THSD4: variants seen among roughly 807,000 people sequenced by gnomAD.
The protein encoded by THSD4 is thrombospondin type-1 domain-containing protein 4.
THSD4 carries 69 observed loss-of-function variants against 119.0 expected under a neutral mutation model. The ratio of observed to expected loss-of-function variants is 0.58; its 90% CI spans 0.48 to 0.71. The LOEUF is 0.71. Among genes scored for constraint, THSD4 ranks in the 30% least tolerant of loss-of-function variants. The pLI is 0.00. For synonymous variants in THSD4, 524 were observed against 540.4 expected (o/e 0.97, Z 0.42); for missense variants, 1,393 against 1,391.1 (o/e 1.00, Z -0.02).
intron 3 of THSD4, among the ~76,000 whole-genome samples, chr15:71,212,371 C>T (rs1161067840): frequency 2.6e-5 from 4 of 152,140 alleles, no homozygotes; most frequent in Admixed American, 1.3e-4. Flanking sequence ...TTCATGTTTT[C>T]TTCCCCCAGG....
At chr15:71,518,787 G>A (rs1330339925) in intron 7 of THSD4, among the ~76,000 whole-genome samples, 2 of 152,076 alleles carry the variant, frequency 1.3e-5, no homozygotes, top group East Asian at 3.9e-4. Context: ...AGAGCTTTGT[G>A]GTCTTTAGAT....
chr15:71,469,735 C>T (rs1272225887), intron 7 of THSD4, among the ~76,000 whole-genome samples: 1 of 152,234 alleles, frequency 6.6e-6, no homozygotes, highest in African/African-American at 2.4e-5. Context: ...TCCCCATGAT[C>T]TCCACCATGC....
chr15:71,143,695 TC>T (rs1217607524), intron 2 of THSD4, among the ~76,000 whole-genome samples: 2 of 141,348 alleles, frequency 1.4e-5, no homozygotes, highest in Non-Finnish European at 3.0e-5. Flanking sequence ...CTTTTTTTTT[TC>T]TTTCTTTTTT....
intron 14 of THSD4, among the ~76,000 whole-genome samples, chr15:71,749,697 T>TTTTTTTTA (rs748022578): frequency 2.9e-5 from 4 of 137,630 alleles, no homozygotes; most frequent in African/African-American, 5.4e-5. Flanking sequence ...ATTTTTAAAT[T>TTTTTTTTA]TTTATTTATT....
At chr15:71,675,201 A>G (rs1480215640) in intron 8 of THSD4, among the ~76,000 whole-genome samples, 1 of 152,174 alleles carries the variant, frequency 6.6e-6, no homozygotes, top group East Asian at 1.9e-4. Context: ...ATGCCCTTTT[A>G]TAGCCAGCCC....
chr15:71,693,281 A>G (rs899359989), intron 8 of THSD4, among the ~76,000 whole-genome samples: 1 of 152,226 alleles, frequency 6.6e-6, no homozygotes, highest in African/African-American at 2.4e-5. Context: ...AGGCAGAAGG[A>G]AAAGGAGGTC....
intron 1 of THSD4, among the ~76,000 whole-genome samples, chr15:71,107,732 G>A (rs145083749): frequency 8.5e-5 from 13 of 152,280 alleles, no homozygotes; most frequent in Admixed American, 7.2e-4. Flanking sequence ...AAAAAGGGAC[G>A]GACCAAGAAC....
At chr15:71,673,485 C>A (rs1305150517) in intron 8 of THSD4, among the ~76,000 whole-genome samples, 1 of 152,152 alleles carries the variant, frequency 6.6e-6, no homozygotes, top group Non-Finnish European at 1.5e-5. Context: ...GTGTCTCTAT[C>A]TCCTTCAGTT....
chr15:71,585,880 CT>C (rs2049658870), intron 7 of THSD4, among the ~76,000 whole-genome samples: 1 of 152,024 alleles, frequency 6.6e-6, no homozygotes, highest in Non-Finnish European at 1.5e-5. Context: ...TTGAAGCACT[CT>C]ATTGATTTTT....
chr15:71,491,628 T>G (rs7164054), intron 7 of THSD4, among the ~76,000 whole-genome samples: 28,698 of 152,198 alleles, frequency 0.19, 3,282 homozygotes, highest in Non-Finnish European at 0.25. Flanking sequence ...TCCCAACACT[T>G]TAGGGGGCCC....
intron 9 of THSD4, 47 bp from the exon 10 acceptor site, chr15:71,731,074 G>T (rs1051753542): frequency 1.9e-6 from 3 of 1,578,574 alleles, no homozygotes; most frequent in South Asian, 2.2e-5. Flanking sequence ...CCCAGAAGGG[G>T]TGTGCATACG....
intron 7 of THSD4, among the ~76,000 whole-genome samples, chr15:71,566,813 A>T (rs2049250097): frequency 6.9e-6 from 1 of 144,888 alleles, no homozygotes; most frequent in Non-Finnish European, 1.5e-5. Flanking sequence ...AGACATTGGC[A>T]TTTCTTTCCA....
intron 6 of THSD4, among the ~76,000 whole-genome samples, chr15:71,389,897 C>T (rs762852060): frequency 7.0e-5 from 10 of 143,590 alleles, no homozygotes; most frequent in Non-Finnish European, 1.4e-4. Flanking sequence ...GCAACCTCCA[C>T]CTCCTGGGTT....
intron 7 of THSD4, among the ~76,000 whole-genome samples, chr15:71,516,748 G>T (rs559598545): frequency 6.6e-6 from 1 of 152,196 alleles, no homozygotes; most frequent in East Asian, 1.9e-4. Flanking sequence ...GAAATCATTA[G>T]TTTGATGTAC....
rs546295638 is a variant in THSD4, at chr15:71,200,709, A to G, written c.100-14326A>G. Among the ~76,000 whole-genome samples the G allele has an allele frequency of 7.2e-5, 11 of 152,346 alleles. No homozygotes were observed. In the South Asian group the frequency reaches 2.1e-3, roughly 29 times the overall value. ...TTTCAGTGGCCACAAAGTATATTTT[A>G]GTAAACTTTATAGGCCATGACCATC... On this transcript the variant is annotated intron_variant, in intron 3 of 17. Coordinates refer to ENST00000261862, the MANE Select transcript of THSD4 (RefSeq NM_024817.3).
intron 7 of THSD4, among the ~76,000 whole-genome samples, chr15:71,473,717 T>C (rs116400808): frequency 1.1e-3 from 168 of 152,226 alleles, no homozygotes; most frequent in African/African-American, 3.9e-3. Flanking sequence ...TTTGGGGTGC[T>C]GTTGAAAAAA....
chr15:71,199,852 A>ATGCATGTGTGGGGGGTGTGTGTGTGTGG (rs1567155023), intron 3 of THSD4, among the ~76,000 whole-genome samples: 4 of 83,892 alleles, frequency 4.8e-5, no homozygotes, highest in African/African-American at 2.3e-4. Context: ...GCTGTGTGTG[A>ATGCATGTGTGGGGGGTGTGTGTGTGTGG]TGCATGTGTG....
chr15:71,641,884 G>A (rs1465569756), intron 7 of THSD4, among the ~76,000 whole-genome samples: 1 of 152,048 alleles, frequency 6.6e-6, no homozygotes, highest in East Asian at 1.9e-4. Context: ...TTTAACTTTT[G>A]AGCTAGAAAC....
chr15:71,195,318 G>A (rs562212942), intron 3 of THSD4, among the ~76,000 whole-genome samples: 28 of 152,330 alleles, frequency 1.8e-4, no homozygotes, highest in African/African-American at 6.0e-4. Context: ...ATGGAGAAAT[G>A]TTGAGTTTAG....
Sources: gnomAD v4.1 joint callset for allele counts (sites outside exome capture counted in the v4.1 genomes callset) on GRCh38, gnomAD v4.1.1 for gene constraint, MANE v1.5 for transcripts, NCBI Gene and HGNC (gene_info 2026-07-23, HGNC 2026-07-21) for gene names.